MYRIP: variants seen among roughly 807,000 people sequenced by gnomAD.
MYRIP encodes rab effector MyRIP.
MYRIP carries 49 observed loss-of-function variants against 98.0 expected under a neutral mutation model. The observed-to-expected ratio is 0.50, with a 90% CI of 0.40 to 0.63. MYRIP has a LOEUF of 0.63. Ranked by LOEUF, MYRIP falls within the 30% of genes least tolerant of loss-of-function variation. The pLI, the probability that MYRIP is intolerant of heterozygous loss-of-function variation, is 0.00. For synonymous variants in MYRIP, 404 were observed against 409.5 expected (o/e 0.99, Z 0.16); for missense variants, 1,004 against 1,058.2 (o/e 0.95, Z 0.71).
At chr3:40,156,807 T>C (rs897995400) in intron 4 of MYRIP, among the ~76,000 whole-genome samples, 4 of 152,118 alleles carry the variant, frequency 2.6e-5, no homozygotes, top group South Asian at 2.1e-4. Flanking sequence ...CTGTTGTTGG[T>C]GTATAAGAAT....
chr3:40,072,201 TTTTTTTA>T (rs1260793600), intron 3 of MYRIP, among the ~76,000 whole-genome samples: 1 of 152,192 alleles, frequency 6.6e-6, no homozygotes, highest in Non-Finnish European at 1.5e-5. Context: ...ATGCATTTTA[TTTTTTTA>T]TTTTTTATTT....
intron 2 of MYRIP, among the ~76,000 whole-genome samples, chr3:39,986,057 C>T (rs902081587): frequency 6.6e-6 from 1 of 152,180 alleles, no homozygotes; most frequent in African/African-American, 2.4e-5. Flanking sequence ...GCAACCGACT[C>T]ATCTGACGTA....
At chr3:39,977,105 A>G (rs1331562691) in intron 2 of MYRIP, among the ~76,000 whole-genome samples, 1 of 151,648 alleles carries the variant, frequency 6.6e-6, no homozygotes, top group Non-Finnish European at 1.5e-5. Context: ...ATTTCCTTTA[A>G]TTATAAAAGG....
Position 40,204,194 on chromosome 3 carries a change from ATTATAT to A in MYRIP, c.1666-5658_1666-5653del, listed in dbSNP as rs1951725335. ...TTTATATATTATATAATATATAAAT[ATTATAT>A]TATATATTTATATATTATATATAAA... On this transcript the variant is annotated intron_variant, in intron 10 of 16. Coordinates refer to ENST00000302541, the MANE Select transcript of MYRIP (RefSeq NM_015460.4). 3.0e-4 allele frequency among the ~76,000 whole-genome samples: 8 copies of A among 26,802 alleles called. 1 individual carries two copies. The highest frequency in any genetic ancestry group is 8.1e-4 in the Admixed American group (1 of 1,242). 17.6% of individuals were successfully genotyped at this position (26,802 alleles called of 152,430 possible).
intron 1 of MYRIP, among the ~76,000 whole-genome samples, chr3:39,842,477 C>G (rs1941832520): frequency 6.6e-6 from 1 of 152,194 alleles, no homozygotes; most frequent in African/African-American, 2.4e-5. Context: ...ACGGTTCTGT[C>G]TTGCTGCCGT....
intron 2 of MYRIP, among the ~76,000 whole-genome samples, chr3:39,952,828 T>C (rs774302761): frequency 1.3e-5 from 2 of 152,174 alleles, no homozygotes; most frequent in African/African-American, 2.4e-5. Flanking sequence ...AAAGTAGGAA[T>C]AGCTAGGGAC....
At chr3:40,095,091 G>A (rs543270023) in intron 3 of MYRIP, among the ~76,000 whole-genome samples, 1 of 152,296 alleles carries the variant, frequency 6.6e-6, no homozygotes, top group East Asian at 1.9e-4. Context: ...AGTGAGGTCA[G>A]CCCCACCCGA....
intron 12 of MYRIP, among the ~76,000 whole-genome samples, chr3:40,236,140 T>G (rs1952817534): frequency 6.6e-6 from 1 of 152,228 alleles, no homozygotes; most frequent in Non-Finnish European, 1.5e-5. Flanking sequence ...ACCGTTTCTA[T>G]GTTTAGATAC....
chr3:39,925,769 G>A (rs1280516125), intron 2 of MYRIP, among the ~76,000 whole-genome samples: 1 of 152,088 alleles, frequency 6.6e-6, no homozygotes, highest in Non-Finnish European at 1.5e-5. Flanking sequence ...CCTTGCTATT[G>A]TGAATAGTGC....
intron 3 of MYRIP, among the ~76,000 whole-genome samples, chr3:40,068,157 T>C (rs1948159899): frequency 1.3e-5 from 2 of 152,224 alleles, no homozygotes; most frequent in Non-Finnish European, 2.9e-5. Flanking sequence ...AGAAAAACTC[T>C]ACAAGTAGCA....
intron 2 of MYRIP, chr3:39,970,309 C>G (rs148511563): frequency 6.6e-6 from 1 of 152,174 alleles, no homozygotes; most frequent in African/African-American, 2.4e-5. Context: ...AATATAATAA[C>G]TGCTACTGTT....
intron 2 of MYRIP, among the ~76,000 whole-genome samples, chr3:40,006,705 ATACT>A (rs1946643253): frequency 1.3e-5 from 2 of 152,162 alleles, no homozygotes; most frequent in South Asian, 2.1e-4. Context: ...ATAAAGACTA[ATACT>A]TACTCCAGAA....
chr3:40,120,256 A>G (rs1016783920), intron 3 of MYRIP, among the ~76,000 whole-genome samples: 2 of 152,224 alleles, frequency 1.3e-5, no homozygotes, highest in Admixed American at 1.3e-4. Context: ...GTCTGTTATA[A>G]CTAAAGTCCA....
At chr3:39,956,803 G>A (rs994549655) in intron 2 of MYRIP, among the ~76,000 whole-genome samples, 1 of 151,680 alleles carries the variant, frequency 6.6e-6, no homozygotes, top group Non-Finnish European at 1.5e-5. Flanking sequence ...AAGAAGAAAA[G>A]AGAGAAGAAT....
intron 1 of MYRIP, among the ~76,000 whole-genome samples, chr3:39,834,511 AAG>A (rs1461452419): frequency 6.6e-6 from 1 of 152,188 alleles, no homozygotes; most frequent in African/African-American, 2.4e-5. Flanking sequence ...TAAAAAAAGA[AAG>A]AATCTATTGG....
At chr3:39,824,954 G>A (rs1383884139) in intron 1 of MYRIP, among the ~76,000 whole-genome samples, 3 of 152,168 alleles carry the variant, frequency 2.0e-5, no homozygotes, top group Admixed American at 6.5e-5. Context: ...CTGGCCTCAA[G>A]TGATCCTTCC....
intron 8 of MYRIP, among the ~76,000 whole-genome samples, chr3:40,177,858 C>G (rs1950801155): frequency 6.6e-6 from 1 of 152,174 alleles, no homozygotes; most frequent in South Asian, 2.1e-4. Flanking sequence ...CTGGCTTTCT[C>G]TGTTCTCCTG....
intron 1 of MYRIP, among the ~76,000 whole-genome samples, chr3:39,820,849 G>A (rs79511027): frequency 0.016 from 2,435 of 152,084 alleles, 58 homozygotes; most frequent in African/African-American, 0.055. Flanking sequence ...TCCCCTAAAG[G>A]CTCCTTCATG....
At chr3:39,812,648 T>C (rs979728995) in intron 1 of MYRIP, among the ~76,000 whole-genome samples, 9 of 152,272 alleles carry the variant, frequency 5.9e-5, no homozygotes, top group African/African-American at 2.2e-4. Flanking sequence ...AAAAAGGAAG[T>C]ATTTTGAATT....
Sources: allele counts gnomAD v4.1 joint callset (sites outside exome capture counted in the v4.1 genomes callset), GRCh38; gene constraint gnomAD v4.1.1; transcripts MANE v1.5; gene names NCBI Gene and HGNC (gene_info 2026-07-23, HGNC 2026-07-21).